MYO5B: variants seen among roughly 807,000 people sequenced by gnomAD.
The protein encoded by MYO5B is unconventional myosin-Vb.
A neutral mutation model predicts 229.3 loss-of-function variants in MYO5B; 143 were observed. The observed-to-expected ratio is 0.62, with a 90% CI of 0.54 to 0.72. The LOEUF (loss-of-function observed/expected upper bound fraction) is 0.72. Among genes scored for constraint, MYO5B ranks in the 30% least tolerant of loss-of-function variants. MYO5B has a pLI of 0.00. For missense variants in MYO5B, 2,321 were observed against 2,331.0 expected (o/e 1.00, Z 0.09); for synonymous variants, 918 against 885.2 (o/e 1.04, Z -0.66).
chr18:49,864,177 C>T lies in MYO5B; in HGVS notation c.3807G>A (p.Val1269=). The part of the protein sequence containing the change: ...EEVLILRTQI[V]SADQRRLAGR... ...CGGCGAGTCGCCGCTGGTCGGCGCT[C>T]ACGATCTGGGTCCTGAGGATGAGCA... The change falls in exon 28 of 40, where the codon GTG becomes GTA. Residue 1269 remains valine, a synonymous_variant. Transcript: ENST00000285039. The T allele has an allele frequency of 6.2e-7, 1 of 1,612,224 alleles. No homozygotes were observed. Among genetic ancestry groups the T allele is most frequent in the Non-Finnish European group, 8.5e-7 (1 of 1,180,008 alleles).
intron 4 of MYO5B, among the ~76,000 whole-genome samples, chr18:50,019,782 C>T (rs1021119468): frequency 2.0e-5 from 3 of 152,204 alleles, no homozygotes; most frequent in African/African-American, 4.8e-5. Flanking sequence ...GTCCCTTTTC[C>T]TCCCTGGTAC....
chr18:50,156,311 A>T (rs770002170), intron 1 of MYO5B, among the ~76,000 whole-genome samples: 19 of 152,166 alleles, frequency 1.2e-4, no homozygotes, highest in Non-Finnish European at 2.4e-4. Context: ...CCCCACCCAA[A>T]TCTCATCTTG....
chr18:49,884,489 G>A (rs1274611907), intron 22 of MYO5B, among the ~76,000 whole-genome samples: 2 of 151,968 alleles, frequency 1.3e-5, no homozygotes, highest in Non-Finnish European at 2.9e-5. Context: ...ATGGGAGACA[G>A]TGACAGATCA....
chr18:49,918,892 A>G (rs1194735190), intron 17 of MYO5B, among the ~76,000 whole-genome samples: 1 of 152,218 alleles, frequency 6.6e-6, no homozygotes, highest in Non-Finnish European at 1.5e-5. Context: ...AAATTTCTAA[A>G]GGGACATAAG....
At chr18:50,155,854 C>T (rs1433961752) in intron 1 of MYO5B, among the ~76,000 whole-genome samples, 1 of 152,140 alleles carries the variant, frequency 6.6e-6, no homozygotes, top group African/African-American at 2.4e-5. Context: ...ACAGTGGCAC[C>T]GAAGATGACT....
intron 20 of MYO5B, among the ~76,000 whole-genome samples, chr18:49,904,055 TG>T (rs1275729860): frequency 2.0e-5 from 3 of 152,266 alleles, no homozygotes; most frequent in Non-Finnish European, 2.9e-5. Context: ...GCAGGTGACC[TG>T]GCTTCTCTGA....
chr18:49,906,704 T>C (rs1241088953), intron 18 of MYO5B, 74 bp from the exon 19 acceptor site: 1 of 1,333,626 alleles, frequency 7.5e-7, no homozygotes, highest in Non-Finnish European at 1.1e-6. Context: ...CCACCCTTGT[T>C]CTTCCCATGC....
chr18:50,086,224 G>C (rs951077018), intron 1 of MYO5B, among the ~76,000 whole-genome samples: 2 of 151,908 alleles, frequency 1.3e-5, no homozygotes, highest in Admixed American at 6.6e-5. Context: ...TATTACTGTT[G>C]AGAGTTCCTT....
chr18:50,099,767 G>A (rs1219393094), intron 1 of MYO5B, among the ~76,000 whole-genome samples: 2 of 152,118 alleles, frequency 1.3e-5, no homozygotes, highest in Non-Finnish European at 2.9e-5. Flanking sequence ...AGAAATACAC[G>A]GTATCTTGTA....
intron 22 of MYO5B, among the ~76,000 whole-genome samples, chr18:49,889,897 T>C (rs2915246): frequency 0.58 from 88,710 of 151,924 alleles, 26,013 homozygotes; most frequent in Middle Eastern, 0.67. Context: ...CACCTCCTAT[T>C]GTTTTGAGGC....
chr18:50,007,165 C>T (rs2026110570), intron 4 of MYO5B, among the ~76,000 whole-genome samples: 1 of 152,162 alleles, frequency 6.6e-6, no homozygotes, highest in Non-Finnish European at 1.5e-5. Context: ...AGGCTCTGTG[C>T]TTTCACCTCG....
At chr18:49,885,608 C>T (rs1361348593) in intron 22 of MYO5B, among the ~76,000 whole-genome samples, 1 of 152,170 alleles carries the variant, frequency 6.6e-6, no homozygotes, top group African/African-American at 2.4e-5. Flanking sequence ...TGCTTAAATG[C>T]CAACTTTCCT....
chr18:50,008,663 C>T (rs574736158), intron 4 of MYO5B, among the ~76,000 whole-genome samples: 5 of 152,166 alleles, frequency 3.3e-5, no homozygotes, highest in African/African-American at 4.8e-5. Context: ...CCAACACACA[C>T]TATGGTTGCA....
chr18:50,180,445 G>A (rs1186814158), intron 1 of MYO5B, among the ~76,000 whole-genome samples: 1 of 152,154 alleles, frequency 6.6e-6, no homozygotes, highest in African/African-American at 2.4e-5. Flanking sequence ...GAGGAACCAG[G>A]ACTCAAAACC....
chr18:49,870,083 G>A (rs997765419), intron 27 of MYO5B, among the ~76,000 whole-genome samples: 1 of 152,218 alleles, frequency 6.6e-6, no homozygotes, highest in Non-Finnish European at 1.5e-5. Context: ...AGACTCCCAG[G>A]CTCCTTGGAG....
intron 5 of MYO5B, among the ~76,000 whole-genome samples, chr18:49,997,333 T>A (rs1206935287): frequency 7.0e-6 from 1 of 143,432 alleles, no homozygotes; most frequent in African/African-American, 2.5e-5. Flanking sequence ...GTCTTCATCA[T>A]CATTTTTGCT....
At chr18:50,128,011 C>T (rs2032193632) in intron 1 of MYO5B, among the ~76,000 whole-genome samples, 1 of 152,226 alleles carries the variant, frequency 6.6e-6, no homozygotes, top group Non-Finnish European at 1.5e-5. Context: ...ACCACTGACT[C>T]TGCTGGTTCT....
chr18:49,869,552 G>A (rs11659292), intron 27 of MYO5B, among the ~76,000 whole-genome samples: 36,454 of 152,042 alleles, frequency 0.24, 4,496 homozygotes, highest in East Asian at 0.41. Context: ...TAAGACAAAT[G>A]TTTATTGCGC....
chr18:50,043,502 TATAA>T (rs1276402263), intron 2 of MYO5B, among the ~76,000 whole-genome samples: 35 of 90,632 alleles, frequency 3.9e-4, no homozygotes, highest in African/African-American at 1.4e-3. Context: ...TATATATAAA[TATAA>T]ATATATTTAT....
Sources: allele counts gnomAD v4.1 joint callset (sites outside exome capture counted in the v4.1 genomes callset), GRCh38; gene constraint gnomAD v4.1.1; transcripts MANE v1.5; gene names NCBI Gene and HGNC (gene_info 2026-07-23, HGNC 2026-07-21).